GJA3: variants seen among roughly 807,000 people sequenced by gnomAD.
GJA3 encodes the protein gap junction alpha-3 protein.
For missense variants in GJA3, 571 were observed against 620.3 expected (o/e 0.92, Z 0.84); for synonymous variants, 297 against 292.6 (o/e 1.02, Z -0.15).
chr13:20,143,248 G>A lies in GJA3; in HGVS notation c.41C>T (p.Ala14Val). The A allele has an allele frequency of 6.5e-7, 1 of 1,539,894 alleles. No homozygotes were observed. ...WSFLGRLLENAQEHSTVIGKV... is the reference protein window; with the variant it reads ...WSFLGRLLENVQEHSTVIGKV... ...GCCGATGACCGTGGAGTGCTCCTGT[G>A]CATTTTCTAAGAGTCTTCCCAGAAA... Residue 14 changes from alanine to valine, a missense_variant, in exon 2 of 2, where the codon GCA becomes GTA. Physicochemically the swap from Ala to Val is moderately conservative, Grantham distance 64. Coordinates refer to ENST00000241125, the MANE Select transcript of GJA3 (RefSeq NM_021954.4).
intron 1 of GJA3, among the ~76,000 whole-genome samples, chr13:20,150,788 G>C (rs1566517924): frequency 6.6e-6 from 1 of 152,190 alleles, no homozygotes. Flanking sequence ...GAGAGCCAGG[G>C]CCCGTGGTGC....
At chr13:20,154,688 A>G (rs1958898006) in intron 1 of GJA3, among the ~76,000 whole-genome samples, 1 of 152,212 alleles carries the variant, frequency 6.6e-6, no homozygotes, top group Admixed American at 6.5e-5. Flanking sequence ...TTATCAGACT[A>G]AAGACATTTC....
At chr13:20,160,321 A>G (rs567359011) in intron 1 of GJA3, among the ~76,000 whole-genome samples, 1 of 152,356 alleles carries the variant, frequency 6.6e-6, no homozygotes, top group South Asian at 2.1e-4. Flanking sequence ...CTTAAAAATA[A>G]AAAGTTTTAA....
rs1022704054 is a variant in GJA3 at position 20,149,222 on chromosome 13, A to G, written c.-17-5917T>C. Among the ~76,000 whole-genome samples the G allele has an allele frequency of 2.8e-4, 43 of 152,146 alleles. 1 individual carries two copies. The highest frequency in any genetic ancestry group is 9.9e-4 in the African/African-American group (41 of 41,524). Reference sequence around the variant, plus strand: ...GAAGTTTAAGGAATGATCTCGGTGCAGTAGCTCACACCTGTAATCTCTGCA... The same window carrying G: ...GAAGTTTAAGGAATGATCTCGGTGCGGTAGCTCACACCTGTAATCTCTGCA... On this transcript the variant is annotated intron_variant, in intron 1 of 1. Transcript: ENST00000241125.
intron 1 of GJA3, among the ~76,000 whole-genome samples, chr13:20,152,241 G>T (rs1958882511): frequency 6.6e-6 from 1 of 152,124 alleles, no homozygotes; most frequent in South Asian, 2.1e-4. Flanking sequence ...CATCCAGAGG[G>T]TGAGCACAGA....
rs532650165 is a variant in GJA3 at position 20,142,758 on chromosome 13, C to G, written c.531G>C (p.Pro177=). Residue 177 remains proline, a synonymous_variant, in exon 2 of 2, where the codon CCG becomes CCC. Coordinates refer to ENST00000241125, the MANE Select transcript of GJA3 (RefSeq NM_021954.4). ...QYFLYGFELK[P]LYRCDRWPCP... is the part of the protein sequence containing the mutation. ...AGGGCCAGCGGTCGCAGCGGTAGAG[C>G]GGCTTCAGCTCGAAGCCGTACAGAA... is the stretch of plus-strand genomic sequence containing the variant. 1 of 1,613,488 alleles carries G rather than the reference C, an allele frequency of 6.2e-7. No individual in the cohort carries two copies. The highest frequency in any genetic ancestry group is 2.2e-5 in the East Asian group (1 of 44,894).
chr13:20,156,562 C>T (rs759153221), intron 1 of GJA3, among the ~76,000 whole-genome samples: 29 of 152,260 alleles, frequency 1.9e-4, no homozygotes, highest in Non-Finnish European at 3.7e-4. Context: ...TCTGTGCACC[C>T]TGGCCTCCCA....
At position 20,142,990 on chromosome 13, in the gene GJA3, A is replaced by G; in HGVS notation, c.299T>C (p.Val100Ala). The G allele has an allele frequency of 1.2e-6, 2 of 1,601,106 alleles. No individual in the cohort carries two copies. The highest frequency in any genetic ancestry group is 1.7e-6 in the Non-Finnish European group (2 of 1,173,758). ...LIYLGHVLHI[V>A]RMEEKKKERE... ...CTCTTTCTTCTTCTCTTCCATGCGC[A>G]CGATGTGCAGCACGTGGCCCAGGTA... Residue 100 changes from valine to alanine, a missense_variant, in exon 2 of 2, where the codon GTG (valine) becomes GCG (alanine). By Grantham distance (64) the Val-to-Ala change is moderately conservative. Transcript: ENST00000241125.
rs1958824140 is a variant in GJA3 at position 20,143,314 on chromosome 13, G to GT, written c.-17-10_-17-9insA. ...TGCTTCAGATTCCTAACCTGTAAGA[G>GT]GAAAATGCTCATGAACACCGGGCTG... On this transcript the variant is annotated splice_polypyrimidine_tract_variant and intron_variant, in intron 1 of 1. Transcript: ENST00000241125. 1.3e-6 allele frequency: 2 copies of GT among 1,503,994 alleles called. No homozygotes were observed. The highest frequency in any genetic ancestry group is 4.5e-5 in the Admixed American group (2 of 44,260). 93.2% of individuals were successfully genotyped at this position (1,503,994 alleles called of 1,614,324 possible).
Position 20,142,670 on chromosome 13 carries a change from T to C in GJA3, c.619A>G (p.Met207Val). ...AGGGACGCGCAGGCCACCGCCAGCA[T>C]GAAGATGATGAAGATGGTCTTCTCC... is the stretch of plus-strand genomic sequence containing the variant. The part of the protein sequence containing the change: ...PTEKTIFIIF[M>V]LAVACASLLL... Residue 207 changes from methionine to valine, a missense_variant, in exon 2 of 2, where the codon ATG (methionine) becomes GTG (valine). Transcript: ENST00000241125. The C allele has an allele frequency of 6.2e-7, 1 of 1,613,882 alleles. No individual in the cohort carries two copies. Among genetic ancestry groups the C allele is most frequent in the Non-Finnish European group, 8.5e-7 (1 of 1,179,982 alleles).
At chr13:20,155,469 C>T (rs1958902246) in intron 1 of GJA3, among the ~76,000 whole-genome samples, 1 of 152,074 alleles carries the variant, frequency 6.6e-6, no homozygotes, top group African/African-American at 2.4e-5. Flanking sequence ...TGGTCACTTA[C>T]ATTTTTTAGA....
At chr13:20,152,313 G>T (rs1045959903) in intron 1 of GJA3, among the ~76,000 whole-genome samples, 1 of 140 alleles carries the variant, frequency 7.1e-3, no homozygotes, top group African/African-American at 0.036. Context: ...TAAGTCTCTG[G>T]AACGAGTCAC....
chr13:20,159,392 G>C (rs990578312), intron 1 of GJA3, among the ~76,000 whole-genome samples: 10 of 143,056 alleles, frequency 7.0e-5, no homozygotes, highest in Admixed American at 1.5e-4. Context: ...CTACTCGGGA[G>C]GTTGCAGTGA....
chr13:20,141,270 T>G lies in GJA3; in HGVS notation c.*711A>C, dbSNP rs959375025. Reference sequence around the variant, plus strand: ...ACACTTTTATGTCAATTTCCTCAACTGTTTAAAAATGGCCTCAGGCGTGGC... The same window carrying G: ...ACACTTTTATGTCAATTTCCTCAACGGTTTAAAAATGGCCTCAGGCGTGGC... On this transcript the variant is annotated 3_prime_UTR_variant, in exon 2 of 2. Coordinates refer to ENST00000241125, the MANE Select transcript of GJA3 (RefSeq NM_021954.4). The G allele has an allele frequency of 3.9e-5, 6 of 152,254 alleles. No homozygotes were observed. Among genetic ancestry groups the G allele is most frequent in the African/African-American group, 1.2e-4 (5 of 41,476 alleles). The allele number at this position is 152,254 out of a possible 1,614,324, so 9.4% of individuals were successfully genotyped here.
At chr13:20,156,871 T>C (rs1179740313) in intron 1 of GJA3, among the ~76,000 whole-genome samples, 1 of 152,086 alleles carries the variant, frequency 6.6e-6, no homozygotes, top group African/African-American at 2.4e-5. Flanking sequence ...ATGTAAAGAG[T>C]TGCAGCGTAA....
chr13:20,155,641 A>G (rs1334538118), intron 1 of GJA3, among the ~76,000 whole-genome samples: 1 of 151,852 alleles, frequency 6.6e-6, no homozygotes, highest in Non-Finnish European at 1.5e-5. Flanking sequence ...TCTTTTGTTA[A>G]TGAACCAACT....
intron 1 of GJA3, among the ~76,000 whole-genome samples, chr13:20,151,993 G>C (rs533815684): frequency 1.3e-5 from 2 of 152,202 alleles, no homozygotes; most frequent in Non-Finnish European, 2.9e-5. Context: ...TGCTCAGAAC[G>C]GGAGTAATGG....
Position 20,141,995 on chromosome 13 carries a change from C to T in GJA3, c.1294G>A (p.Asp432Asn). Reference sequence around the variant, plus strand: ...GCACCCGGGCACTAGATGGCCAAGTCCTCCGGTCTGGCCCGCCCGCTGCTG... The same window carrying T: ...GCACCCGGGCACTAGATGGCCAAGTTCTCCGGTCTGGCCCGCCCGCTGCTG... ...RASSGRARPEDLAI is the reference protein window; with the variant it reads ...RASSGRARPENLAI Residue 432 changes from aspartate to asparagine, a missense_variant, in exon 2 of 2, where the codon GAC becomes AAC. By Grantham distance (23) the Asp-to-Asn change is conservative. Coordinates refer to ENST00000241125, the MANE Select transcript of GJA3 (RefSeq NM_021954.4). 1.3e-6 allele frequency: 2 copies of T among 1,550,334 alleles called. No homozygotes were observed. Among genetic ancestry groups the T allele is most frequent in the Non-Finnish European group, 1.7e-6 (2 of 1,146,816 alleles).
intron 1 of GJA3, among the ~76,000 whole-genome samples, chr13:20,151,735 C>A (rs2141143077): frequency 6.6e-6 from 1 of 152,182 alleles, no homozygotes; most frequent in South Asian, 2.1e-4. Flanking sequence ...GGGAGGCAGA[C>A]AGGCCACAGC....
Sources: gnomAD v4.1 joint callset for allele counts (sites outside exome capture counted in the v4.1 genomes callset) on GRCh38, gnomAD v4.1.1 for gene constraint, MANE v1.5 for transcripts, NCBI Gene and HGNC (gene_info 2026-07-23, HGNC 2026-07-21) for gene names.